TMEM74: variants seen among roughly 807,000 people sequenced by gnomAD.
TMEM74 encodes transmembrane protein 74.
A neutral mutation model predicts 18.1 loss-of-function variants in TMEM74; 13 were observed. The ratio of observed to expected loss-of-function variants is 0.72; its 90% CI spans 0.47 to 1.14. The LOEUF (loss-of-function observed/expected upper bound fraction) is 1.14, where lower values mean the gene tolerates loss of function less well. Among genes scored for constraint, TMEM74 ranks in the 50% most tolerant of loss-of-function variants. The pLI, the probability that TMEM74 is intolerant of heterozygous loss-of-function variation, is 0.00. For missense variants in TMEM74, 372 were observed against 375.9 expected, an observed-to-expected ratio of 0.99 and a Z score of 0.09; for synonymous variants, 159 against 146.6, an observed-to-expected ratio of 1.08 and a Z score of -0.61.
Position 108,780,945 on chromosome 8 carries a change from C to T in TMEM74, c.*3236G>A, listed in dbSNP as rs1322338403. ...AACTCTTTGCAAACTCTACCACTAA[C>T]AGTTTAAGGTGCCCTAAAAAGAACT... On this transcript the variant is annotated 3_prime_UTR_variant, in exon 2 of 2. Transcript: ENST00000297459. Among the ~76,000 whole-genome samples, 1 of 152,158 alleles carries T rather than the reference C, an allele frequency of 6.6e-6. No homozygotes were observed. Among genetic ancestry groups the T allele is most frequent in the Non-Finnish European group, 1.5e-5 (1 of 68,030 alleles).
intron 1 of TMEM74, among the ~76,000 whole-genome samples, chr8:108,769,456 G>C (rs1481437790): frequency 1.3e-5 from 2 of 152,004 alleles, no homozygotes; most frequent in Non-Finnish European, 2.9e-5. Flanking sequence ...TGAGCCCTCT[G>C]CCTCTGTTCT....
intron 2 of TMEM74, among the ~76,000 whole-genome samples, chr8:108,635,225 C>G (rs1007073530): frequency 6.6e-6 from 1 of 151,950 alleles, no homozygotes; most frequent in African/African-American, 2.4e-5. Flanking sequence ...AACAACAAAA[C>G]TCCAAAACAA....
Position 108,639,770 on chromosome 8 carries a change from G to T in TMEM74, n.264+15523C>A, listed in dbSNP as rs147349884. ...TTTGATGACTCATTTTGGTCCCTAC[G>T]TATTACAGGAAATTTCCGAAGTTTC... On this transcript the variant is annotated intron_variant and non_coding_transcript_variant, in intron 2 of 3. Coordinates refer to the TMEM74 transcript ENST00000518838. Among the ~76,000 whole-genome samples the T allele has an allele frequency of 2.4e-4, 37 of 152,176 alleles. 1 individual carries two copies. The highest frequency in any genetic ancestry group is 8.7e-4 in the African/African-American group (36 of 41,542).
chr8:108,730,338 C>G (rs562245539), intron 1 of TMEM74, among the ~76,000 whole-genome samples: 27 of 152,260 alleles, frequency 1.8e-4, no homozygotes, highest in Non-Finnish European at 1.9e-4. Context: ...GACTCTGGAG[C>G]ACTCCTTGGC....
At chr8:108,745,902 T>A (rs772141593) in intron 1 of TMEM74, among the ~76,000 whole-genome samples, 5 of 152,176 alleles carry the variant, frequency 3.3e-5, no homozygotes, top group African/African-American at 4.8e-5. Flanking sequence ...TGTTGTGTTC[T>A]GATCTAATTA....
chr8:108,673,255 C>T (rs1813021123), intron 1 of TMEM74, among the ~76,000 whole-genome samples: 1 of 152,156 alleles, frequency 6.6e-6, no homozygotes, highest in Non-Finnish European at 1.5e-5. Context: ...TTGATCTTAC[C>T]AGGGTAAGAT....
chr8:108,661,140 A>G (rs1036402885), intron 1 of TMEM74, among the ~76,000 whole-genome samples: 7 of 152,078 alleles, frequency 4.6e-5, no homozygotes, highest in African/African-American at 1.7e-4. Flanking sequence ...ATATATTTTC[A>G]TTTACTTTAA....
chr8:108,624,384 A>G (rs1421393051), intron 2 of TMEM74, among the ~76,000 whole-genome samples: 1 of 152,046 alleles, frequency 6.6e-6, no homozygotes, highest in African/African-American at 2.4e-5. Context: ...TCTCACATTA[A>G]TACCTTTGCT....
chr8:108,751,899 T>A (rs915193965), intron 1 of TMEM74, among the ~76,000 whole-genome samples: 1 of 152,112 alleles, frequency 6.6e-6, no homozygotes, highest in East Asian at 1.9e-4. Flanking sequence ...GCTAGGACAA[T>A]GTTGCTAAGG....
intron 1 of TMEM74, among the ~76,000 whole-genome samples, chr8:108,663,981 C>A (rs1259249580): frequency 6.6e-6 from 1 of 152,042 alleles, no homozygotes; most frequent in African/African-American, 2.4e-5. Context: ...GGAGGGAGAG[C>A]ATTGGGAAGA....
intron 1 of TMEM74, among the ~76,000 whole-genome samples, chr8:108,734,635 T>G (rs1051806271): frequency 2.6e-5 from 4 of 152,144 alleles, no homozygotes; most frequent in African/African-American, 9.7e-5. Flanking sequence ...CTAAGTTTTT[T>G]AATATCCTCT....
chr8:108,776,179 T>C (rs917317393), downstream of TMEM74, among the ~76,000 whole-genome samples: 1 of 152,226 alleles, frequency 6.6e-6, no homozygotes, highest in Non-Finnish European at 1.5e-5. Context: ...GGTTTTGGTA[T>C]GGTAAAAGCT....
intron 2 of TMEM74, among the ~76,000 whole-genome samples, chr8:108,643,327 A>G (rs1248989079): frequency 2.0e-5 from 3 of 152,192 alleles, no homozygotes; most frequent in African/African-American, 7.2e-5. Context: ...TCCAAGGATA[A>G]CACTTTGAGA....
chr8:108,716,623 A>G (rs1813525542), intron 1 of TMEM74, among the ~76,000 whole-genome samples: 1 of 152,040 alleles, frequency 6.6e-6, no homozygotes, highest in Non-Finnish European at 1.5e-5. Context: ...CATCTATTAA[A>G]TGAGTATTTA....
chr8:108,736,778 G>T (rs778791928), intron 1 of TMEM74, among the ~76,000 whole-genome samples: 11 of 152,084 alleles, frequency 7.2e-5, no homozygotes, highest in Non-Finnish European at 1.5e-4. Context: ...TACACAGTTT[G>T]TTGTGCAGGT....
downstream of TMEM74, among the ~76,000 whole-genome samples, chr8:108,773,995 T>C (rs908797320): frequency 2.6e-5 from 4 of 152,342 alleles, no homozygotes; most frequent in Admixed American, 1.3e-4. Flanking sequence ...CAGCCATATA[T>C]GACTTATACA....
intron 2 of TMEM74, among the ~76,000 whole-genome samples, chr8:108,646,836 AG>A (rs771491375): frequency 2.0e-5 from 3 of 152,040 alleles, no homozygotes; most frequent in Non-Finnish European, 4.4e-5. Context: ...AAAAATGGCC[AG>A]GGCAACCACC....
chr8:108,718,981 TAC>T (rs1491161453), intron 1 of TMEM74, among the ~76,000 whole-genome samples: 1 of 142,416 alleles, frequency 7.0e-6, no homozygotes, highest in Non-Finnish European at 1.5e-5. Flanking sequence ...TATATATATA[TAC>T]GTATATATAC....
chr8:108,680,745 A>G (rs1194880236), intron 1 of TMEM74, among the ~76,000 whole-genome samples: 2 of 152,230 alleles, frequency 1.3e-5, no homozygotes, highest in Admixed American at 6.5e-5. Context: ...TGCAGATGTC[A>G]TGACTGTATA....
Sources: gnomAD v4.1 joint callset for allele counts (sites outside exome capture counted in the v4.1 genomes callset) on GRCh38, gnomAD v4.1.1 for gene constraint, MANE v1.5 for transcripts, NCBI Gene and HGNC (gene_info 2026-07-23, HGNC 2026-07-21) for gene names.